The following CSMD1 variants were observed in gnomAD, a reference collection of about 807,000 sequenced individuals.
CSMD1 encodes CUB and sushi domain-containing protein 1.
A neutral mutation model predicts 417.5 loss-of-function variants in CSMD1; 213 were observed. The observed-to-expected ratio is 0.51, with a 90% CI of 0.46 to 0.57. The LOEUF (loss-of-function observed/expected upper bound fraction) is 0.57. Among genes scored for constraint, CSMD1 ranks in the 20% least tolerant of loss-of-function variants. The pLI is 0.00. For missense variants in CSMD1, 6,923 were observed against 4,529.7 expected (o/e 1.53, Z -15.17); for synonymous variants, 2,862 against 1,736.8 (o/e 1.65, Z -16.11).
chr8:3,615,873 A>G (rs1355927655), intron 8 of CSMD1, among the ~76,000 whole-genome samples: 1 of 152,178 alleles, frequency 6.6e-6, no homozygotes, highest in East Asian at 1.9e-4. Context: ...GTAAGATGGA[A>G]AATGTTACAT....
chr8:3,627,527 G>C (rs139783750), intron 7 of CSMD1, among the ~76,000 whole-genome samples: 4 of 152,002 alleles, frequency 2.6e-5, no homozygotes, highest in South Asian at 2.1e-4. Context: ...ACTACTTTTA[G>C]TATGTTCCTC....
At chr8:3,195,089 C>T (rs1398826472) in intron 33 of CSMD1, among the ~76,000 whole-genome samples, 2 of 152,138 alleles carry the variant, frequency 1.3e-5, no homozygotes, top group Admixed American at 6.5e-5. Flanking sequence ...GAACTGAAAG[C>T]AGCATTGAAT....
In CSMD1 at chr8:4,957,984, A is replaced by T. The variant is rs577961042; in HGVS notation, c.85+36348T>A. On this transcript the variant is annotated intron_variant, in intron 1 of 69. Transcript: ENST00000635120. ...TCCTTAGTAAGATGTTATTTTTTCC[A>T]TAATTGTGTGATGTCAACAGATGGT... 1.2e-4 allele frequency among the ~76,000 whole-genome samples: 19 copies of T among 152,278 alleles called. No individual in the cohort carries two copies. The South Asian group carries it at 3.3e-3, about 27-fold the overall frequency.
intron 4 of CSMD1, among the ~76,000 whole-genome samples, chr8:4,027,740 T>C (rs1032742689): frequency 7.9e-5 from 12 of 152,118 alleles, no homozygotes; most frequent in African/African-American, 2.7e-4. Context: ...TTGAAGCCAG[T>C]CTGTTTGAGA....
rs1283977585 is a variant in CSMD1, at chr8:4,129,263, T to A, written c.416-97164A>T. ...TCTGAGGATGTCTCCTGGGGAGCCT[T>A]CAGATCTGCTGTCAACAAAACTAGC... On this transcript the variant is annotated intron_variant, in intron 3 of 69. Transcript: ENST00000635120. Among the ~76,000 whole-genome samples the A allele has an allele frequency of 2.0e-5, 3 of 152,258 alleles. No individual in the cohort carries two copies. The East Asian group carries it at 5.8e-4, about 29-fold the overall frequency.
At chr8:3,566,903 G>T (rs1025268526) in intron 10 of CSMD1, among the ~76,000 whole-genome samples, 3 of 152,194 alleles carry the variant, frequency 2.0e-5, no homozygotes, top group African/African-American at 7.2e-5. Context: ...AAATCCATTT[G>T]CCTCAGCAAT....
chr8:3,344,213 C>G (rs553451377), intron 22 of CSMD1, among the ~76,000 whole-genome samples: 98 of 152,280 alleles, frequency 6.4e-4, no homozygotes, highest in African/African-American at 2.3e-3. Flanking sequence ...AGCAGTGGGT[C>G]TGTGTCACCA....
At chr8:3,776,993 C>T (rs1192679986) in intron 5 of CSMD1, among the ~76,000 whole-genome samples, 2 of 151,888 alleles carry the variant, frequency 1.3e-5, no homozygotes, top group Non-Finnish European at 2.9e-5. Context: ...GGATTACATG[C>T]ATGACCCCCC....
chr8:4,115,196 A>G (rs1481187802), intron 3 of CSMD1, among the ~76,000 whole-genome samples: 4 of 152,234 alleles, frequency 2.6e-5, no homozygotes, highest in African/African-American at 7.2e-5. Context: ...TTCAGCAACT[A>G]CCATCTTGGT....
At chr8:4,791,991 G>A (rs1357736982) in intron 1 of CSMD1, among the ~76,000 whole-genome samples, 1 of 151,408 alleles carries the variant, frequency 6.6e-6, no homozygotes, top group Non-Finnish European at 1.5e-5. Flanking sequence ...CCTTTATAGT[G>A]TGTGTCTCAA....
chr8:3,208,983 G>C (rs1029284472), intron 30 of CSMD1, among the ~76,000 whole-genome samples: 7 of 152,082 alleles, frequency 4.6e-5, no homozygotes, highest in Non-Finnish European at 8.8e-5. Context: ...TATTCCATTA[G>C]TTCTGTCCCT....
chr8:4,335,586 T>C (rs529395485), intron 3 of CSMD1, among the ~76,000 whole-genome samples: 1 of 152,284 alleles, frequency 6.6e-6, no homozygotes, highest in Non-Finnish European at 1.5e-5. Context: ...TAGCTAACTT[T>C]TCCTTAAAAC....
intron 3 of CSMD1, among the ~76,000 whole-genome samples, chr8:4,079,612 T>G (rs543493018): frequency 6.6e-6 from 1 of 152,344 alleles, no homozygotes; most frequent in South Asian, 2.1e-4. Context: ...TAAAGATTTC[T>G]TCATGGAGAA....
At chr8:4,721,135 A>C (rs1185110746) in intron 1 of CSMD1, among the ~76,000 whole-genome samples, 1 of 152,222 alleles carries the variant, frequency 6.6e-6, no homozygotes, top group Non-Finnish European at 1.5e-5. Context: ...GCAACTCGGC[A>C]ATAAAGTTCT....
At chr8:4,821,852 C>T (rs1055550145) in intron 1 of CSMD1, among the ~76,000 whole-genome samples, 4 of 152,144 alleles carry the variant, frequency 2.6e-5, no homozygotes, top group African/African-American at 9.7e-5. Context: ...CTGAGCCTGT[C>T]CCCACTGCCT....
intron 27 of CSMD1, among the ~76,000 whole-genome samples, chr8:3,228,133 T>A (rs1179030505): frequency 6.6e-6 from 1 of 152,242 alleles, no homozygotes; most frequent in Non-Finnish European, 1.5e-5. Context: ...CTATATTAAT[T>A]GTAATTGTCT....
At chr8:4,928,363 T>C (rs1287881422) in intron 1 of CSMD1, among the ~76,000 whole-genome samples, 1 of 152,204 alleles carries the variant, frequency 6.6e-6, no homozygotes, top group Non-Finnish European at 1.5e-5. Flanking sequence ...GGTTATTTAG[T>C]TATTTACTAT....
intron 5 of CSMD1, among the ~76,000 whole-genome samples, chr8:3,881,606 C>G (rs1269201511): frequency 1.9e-5 from 2 of 107,822 alleles, no homozygotes; most frequent in Admixed American, 1.8e-4. Context: ...AAGACTCCAT[C>G]TCAAAAAAAA....
chr8:3,876,208 C>T (rs1805805065), intron 5 of CSMD1, among the ~76,000 whole-genome samples: 1 of 152,228 alleles, frequency 6.6e-6, no homozygotes, highest in African/African-American at 2.4e-5. Flanking sequence ...GAGGGGAAAA[C>T]TCCTCTCACC....
Sources: allele counts gnomAD v4.1 joint callset (sites outside exome capture counted in the v4.1 genomes callset), GRCh38; gene constraint gnomAD v4.1.1; transcripts MANE v1.5; gene names NCBI Gene and HGNC (gene_info 2026-07-23, HGNC 2026-07-21).